Variants in MAPK9 observed in about 807,000 individuals in gnomAD.
The protein encoded by MAPK9 is mitogen-activated protein kinase 9.
In MAPK9, 30 loss-of-function variants were observed where a neutral mutation model predicts 57.1. The observed-to-expected ratio is 0.53, with a 90% confidence interval of 0.39 to 0.71. The LOEUF is 0.71. Among genes scored for constraint, MAPK9 ranks in the 30% least tolerant of loss-of-function variants. The pLI, the probability that MAPK9 is intolerant of heterozygous loss-of-function variation, is 0.00. For synonymous variants in MAPK9, 155 were observed against 177.0 expected, an observed-to-expected ratio of 0.88 and a Z score of 0.99; for missense variants, 362 against 521.0, an observed-to-expected ratio of 0.69 and a Z score of 2.97.
At chr5:180,273,168 T>A (rs891729975) in intron 2 of MAPK9, among the ~76,000 whole-genome samples, 6 of 152,168 alleles carry the variant, frequency 3.9e-5, no homozygotes, top group Non-Finnish European at 4.4e-5. Context: ...TGTTTATAGG[T>A]TATTTGGGTA....
chr5:180,246,679 G>C (rs561569958), intron 7 of MAPK9: 1 of 152,198 alleles, frequency 6.6e-6, no homozygotes, highest in Non-Finnish European at 1.5e-5. Context: ...ACTGAGGATG[G>C]AAGAATGGCA....
intron 1 of MAPK9, among the ~76,000 whole-genome samples, chr5:180,283,791 C>T (rs1160483537): frequency 1.3e-5 from 2 of 152,026 alleles, no homozygotes; most frequent in African/African-American, 4.8e-5. Flanking sequence ...CAAAAATTAG[C>T]CGGGTGTGGT....
chr5:180,273,361 C>T (rs1396097135), intron 2 of MAPK9, among the ~76,000 whole-genome samples: 1 of 151,920 alleles, frequency 6.6e-6, no homozygotes, highest in Non-Finnish European at 1.5e-5. Context: ...AATTTTAATA[C>T]AAAATTGATC....
intron 7 of MAPK9, among the ~76,000 whole-genome samples, chr5:180,244,131 G>A (rs1757882961): frequency 6.6e-6 from 1 of 152,148 alleles, no homozygotes; most frequent in Non-Finnish European, 1.5e-5. Context: ...TTATAGGTGT[G>A]AGCCACTGCG....
chr5:180,267,576 A>G (rs1421950456), intron 3 of MAPK9, among the ~76,000 whole-genome samples: 14 of 151,460 alleles, frequency 9.2e-5, no homozygotes, highest in South Asian at 8.3e-4. Flanking sequence ...AAAAAAAAAA[A>G]AAAAAGAAAA....
chr5:180,239,838 G>A, intron 10 of MAPK9, 86 bp downstream of exon 10: 3 of 1,346,168 alleles, frequency 2.2e-6, no homozygotes, highest in East Asian at 4.6e-5. Context: ...CCTTCCTGAA[G>A]GGAAATGTCA....
chr5:180,264,983 T>C (rs1760376081), intron 3 of MAPK9, 144 bp from the exon 4 acceptor site: 2 of 593,708 alleles, frequency 3.4e-6, no homozygotes. Flanking sequence ...ACCAATTACA[T>C]GGCATTTGAG....
At chr5:180,257,118 T>C (rs1351638784) in intron 5 of MAPK9, among the ~76,000 whole-genome samples, 1 of 152,188 alleles carries the variant, frequency 6.6e-6, no homozygotes, top group East Asian at 1.9e-4. Flanking sequence ...AACAGTACAC[T>C]AGATGGCAGA....
At chr5:180,288,518 C>T (rs1762967015) in intron 1 of MAPK9, among the ~76,000 whole-genome samples, 1 of 152,182 alleles carries the variant, frequency 6.6e-6, no homozygotes, top group South Asian at 2.1e-4. Flanking sequence ...TAGAGACCTA[C>T]CGAAGTGTGA....
chr5:180,291,965 T>C lies in MAPK9; in HGVS notation c.-165A>G, dbSNP rs1163495464. On this transcript the variant is annotated 5_prime_UTR_variant, in exon 1 of 12. Coordinates refer to ENST00000452135, the MANE Select transcript of MAPK9 (RefSeq NM_002752.5). Reference sequence around the variant, plus strand: ...CCGCCGCCGGCCCGCCCCGCTCCGCTCCGCCCCGCCGCCGCCGCCGCCGCC... The same window carrying C: ...CCGCCGCCGGCCCGCCCCGCTCCGCCCCGCCCCGCCGCCGCCGCCGCCGCC... 9 of 118,284 alleles carry C rather than the reference T, an allele frequency of 7.6e-5. No individual in the cohort carries two copies. The highest frequency in any genetic ancestry group is 3.8e-5 in the African/African-American group (1 of 26,426). 7.3% of individuals were successfully genotyped at this position (118,284 alleles called of 1,614,324 possible). A position where few individuals can be genotyped will look rare whatever the true frequency, so the allele number is the denominator to read the frequency against.
At position 180,247,819 on chromosome 5, in the gene MAPK9, T is replaced by G. The variant is rs765182537; in HGVS notation, c.617-309A>C. ...TCAGGGCCACACGCCCACCCCAGCC[T>G]CCATGGCCAAGTACCGGGTCCCCTG... On this transcript the variant is annotated intron_variant, in intron 6 of 11. Coordinates refer to ENST00000452135, the MANE Select transcript of MAPK9 (RefSeq NM_002752.5). This position sits in a 1 kb window ranked among gnomAD's most constrained non-coding sequence, Gnocchi z 4.5. 1 of 1,607,490 alleles carries G rather than the reference T, an allele frequency of 6.2e-7. No individual in the cohort carries two copies. Among genetic ancestry groups the G allele is most frequent in the African/African-American group, 1.3e-5 (1 of 74,748 alleles).
intron 5 of MAPK9, among the ~76,000 whole-genome samples, chr5:180,249,451 C>A (rs1045750615): frequency 1.1e-4 from 16 of 152,250 alleles, no homozygotes; most frequent in Admixed American, 4.6e-4. Context: ...CACATGCCCC[C>A]CTCCCGCTCT....
chr5:180,263,276 C>A (rs775852215), intron 4 of MAPK9, among the ~76,000 whole-genome samples: 10 of 152,160 alleles, frequency 6.6e-5, no homozygotes, highest in Non-Finnish European at 5.9e-5. Context: ...ATGGCTCTAT[C>A]TTTAGAACCA....
At chr5:180,265,820 A>G (rs1248327761) in intron 3 of MAPK9, among the ~76,000 whole-genome samples, 1 of 152,234 alleles carries the variant, frequency 6.6e-6, no homozygotes, top group Non-Finnish European at 1.5e-5. Flanking sequence ...TTAGCTAAGG[A>G]CAAAAATAAA....
Position 180,264,845 on chromosome 5 carries a change from AAG to A in MAPK9, c.253-8_253-7del. On this transcript the variant is annotated splice_polypyrimidine_tract_variant and splice_region_variant and intron_variant, in intron 3 of 11. Coordinates refer to ENST00000452135, the MANE Select transcript of MAPK9 (RefSeq NM_002752.5). ...ACATTTAACAAACTAATTATCTGAA[AAG>A]AGAAAATTAATTATACTTCAATATG... 1.3e-6 allele frequency: 2 copies of A among 1,527,604 alleles called. No individual in the cohort carries two copies. The highest frequency in any genetic ancestry group is 2.1e-5 in the Admixed American group (1 of 46,788). 94.6% of individuals were successfully genotyped at this position (1,527,604 alleles called of 1,614,324 possible). A position where few individuals can be genotyped will look rare whatever the true frequency, so the allele number is the denominator to read the frequency against.
chr5:180,287,252 A>G (rs1762852416), intron 1 of MAPK9, among the ~76,000 whole-genome samples: 1 of 152,220 alleles, frequency 6.6e-6, no homozygotes, highest in Admixed American at 6.5e-5. Context: ...AAAAATGACA[A>G]TGAACTCTAT....
intron 2 of MAPK9, among the ~76,000 whole-genome samples, chr5:180,275,671 G>C (rs936801869): frequency 6.6e-6 from 1 of 152,182 alleles, no homozygotes; most frequent in African/African-American, 2.4e-5. Flanking sequence ...GCTGAGCATG[G>C]GGGACAGTGG....
intron 1 of MAPK9, 44 bp from the exon 2 acceptor site, chr5:180,280,652 C>T: frequency 6.7e-7 from 1 of 1,482,234 alleles, no homozygotes; most frequent in Non-Finnish European, 9.1e-7. Flanking sequence ...ACCGGAAGTA[C>T]ATACGCAGCT....
intron 5 of MAPK9, chr5:180,257,761 C>G (rs920636262): frequency 6.0e-6 from 1 of 165,476 alleles, no homozygotes; most frequent in African/African-American, 2.4e-5. Context: ...GGGAGAAAGA[C>G]TCTGTGAATG....
Sources: gnomAD v4.1 joint callset for allele counts (sites outside exome capture counted in the v4.1 genomes callset) on GRCh38, gnomAD v4.1.1 for gene constraint, Gnocchi (gnomAD v3.1) non-coding constraint, MANE v1.5 for transcripts, NCBI Gene and HGNC (gene_info 2026-07-23, HGNC 2026-07-21) for gene names.